MICAL2: variants seen among roughly 807,000 people sequenced by gnomAD.
The protein encoded by MICAL2 is microtubule associated monooxygenase, calponin and LIM domain containing 2.
In MICAL2, 77 loss-of-function variants were observed where a neutral mutation model predicts 127.3. The ratio of observed to expected loss-of-function variants is 0.60; its 90% CI spans 0.50 to 0.73. MICAL2 has a LOEUF of 0.73. MICAL2 is among the 30% of genes least tolerant of loss of function. The pLI, the probability that MICAL2 is intolerant of heterozygous loss-of-function variation, is 0.00. For missense variants in MICAL2, 1,351 were observed against 1,434.4 expected (o/e 0.94, Z 0.94); for synonymous variants, 570 against 551.1 (o/e 1.03, Z -0.48).
At chr11:12,282,700 G>T (rs1174523073) in intron 2 of MICAL2, among the ~76,000 whole-genome samples, 3 of 152,168 alleles carry the variant, frequency 2.0e-5, no homozygotes, top group Non-Finnish European at 4.4e-5. Context: ...AACATATATT[G>T]GTTTGCAGCA....
intron 3 of MICAL2, among the ~76,000 whole-genome samples, chr11:12,189,547 T>C (rs1026788875): frequency 6.6e-6 from 1 of 152,268 alleles, no homozygotes; most frequent in Admixed American, 6.5e-5. Flanking sequence ...CCTTTAATAG[T>C]TTTGCAGGGT....
chr11:12,309,363 C>T (rs1414865335), intron 29 of MICAL2, among the ~76,000 whole-genome samples: 1 of 121,780 alleles, frequency 8.2e-6, no homozygotes, highest in African/African-American at 2.5e-5. Context: ...TGGTAACCAC[C>T]ATTCTACTCT....
downstream of MICAL2, among the ~76,000 whole-genome samples, chr11:12,361,269 A>G (rs779257834): frequency 5.9e-5 from 9 of 152,070 alleles, no homozygotes; most frequent in Non-Finnish European, 8.8e-5. Flanking sequence ...GCTCTCCCAA[A>G]CCATTGATTT....
downstream of MICAL2, among the ~76,000 whole-genome samples, chr11:12,264,053 G>C (rs1863467936): frequency 6.6e-6 from 1 of 152,110 alleles, no homozygotes; most frequent in Non-Finnish European, 1.5e-5. Flanking sequence ...GGGCATAGTG[G>C]GTGAGGGTCA....
chr11:12,121,650 G>T (rs968441900), intron 1 of MICAL2: 1 of 152,276 alleles, frequency 6.6e-6, no homozygotes, highest in African/African-American at 2.4e-5. Flanking sequence ...GGTGGAGCAG[G>T]TAGGGGGTTG....
chr11:12,119,697 T>G (rs989750922), intron 1 of MICAL2, among the ~76,000 whole-genome samples: 2 of 152,140 alleles, frequency 1.3e-5, no homozygotes, highest in African/African-American at 2.4e-5. Flanking sequence ...CCCTTTGGAC[T>G]CAGGTGGGGC....
chr11:12,195,376 A>G (rs979267347), intron 3 of MICAL2, among the ~76,000 whole-genome samples: 18 of 152,242 alleles, frequency 1.2e-4, no homozygotes, highest in African/African-American at 3.9e-4. Flanking sequence ...GAAATGCACC[A>G]CAAAATAAGA....
intron 24 of MICAL2, among the ~76,000 whole-genome samples, chr11:12,271,001 GGC>G (rs1341027694): frequency 3.3e-5 from 5 of 152,212 alleles, no homozygotes; most frequent in Admixed American, 6.5e-5. Context: ...CTCTGGACCT[GGC>G]TGTTGGGAGC....
At chr11:12,258,174 G>A (rs1157977548) in intron 24 of MICAL2, among the ~76,000 whole-genome samples, 1 of 152,210 alleles carries the variant, frequency 6.6e-6, no homozygotes, top group Non-Finnish European at 1.5e-5. Flanking sequence ...CCCTCTCCGG[G>A]TGCGGGCATG....
chr11:12,317,448 A>G (rs1192923041), intron 29 of MICAL2, among the ~76,000 whole-genome samples: 1 of 152,222 alleles, frequency 6.6e-6, no homozygotes, highest in South Asian at 2.1e-4. Flanking sequence ...CAGTCATTCT[A>G]ACACAGCCAG....
chr11:12,189,298 T>G (rs1402500058), intron 3 of MICAL2, among the ~76,000 whole-genome samples: 2 of 152,122 alleles, frequency 1.3e-5, no homozygotes, highest in African/African-American at 4.8e-5. Flanking sequence ...TTGATGTTTT[T>G]TTTGTTTTGT....
intron 8 of MICAL2, among the ~76,000 whole-genome samples, chr11:12,218,291 T>C (rs1856425815): frequency 6.6e-6 from 1 of 152,204 alleles, no homozygotes; most frequent in Non-Finnish European, 1.5e-5. Flanking sequence ...GGCCCATACG[T>C]GTGTGGGCTG....
intron 32 of MICAL2, among the ~76,000 whole-genome samples, chr11:12,330,898 AGAGTGTGTGTGTGTGT>A (rs1161853773): frequency 2.3e-3 from 274 of 121,164 alleles, no homozygotes; most frequent in African/African-American, 8.7e-3. Flanking sequence ...AGAGAGAGAG[AGAGTGTGTGTGTGTGT>A]GTGTGTGTGT....
At chr11:12,146,304 G>T (rs1852897200) in intron 2 of MICAL2, among the ~76,000 whole-genome samples, 1 of 152,172 alleles carries the variant, frequency 6.6e-6, no homozygotes, top group African/African-American at 2.4e-5. Context: ...GAAAATTTTT[G>T]CAATCTACTC....
intron 1 of MICAL2, among the ~76,000 whole-genome samples, chr11:12,124,493 C>T (rs556826935): frequency 2.4e-4 from 37 of 152,340 alleles, no homozygotes; most frequent in Admixed American, 6.5e-4. Flanking sequence ...GTTCTCAGCT[C>T]CTCGAGGGCT....
intron 15 of MICAL2, among the ~76,000 whole-genome samples, chr11:12,233,924 C>G (rs11022257): frequency 0.29 from 43,568 of 152,064 alleles, 6,989 homozygotes; most frequent in East Asian, 0.52. Flanking sequence ...ACCTTTTTGT[C>G]TTAGCCTAGC....
At position 12,227,100 on chromosome 11, in the gene MICAL2, A is replaced by G. The variant is rs1205488677; in HGVS notation, c.1964A>G (p.Asn655Ser). The G allele has an allele frequency of 3.1e-6, 5 of 1,613,490 alleles. No individual in the cohort carries two copies. Among genetic ancestry groups the G allele is most frequent in the Non-Finnish European group, 4.2e-6 (5 of 1,179,828 alleles). Reference sequence around the variant, plus strand: ...TCATCCATTTCTAATAACTATCTCAACCTCACATTTCCAAGGAAGAGGACT... The same window carrying G: ...TCATCCATTTCTAATAACTATCTCAGCCTCACATTTCCAAGGAAGAGGACT... Reference protein sequence around the residue: ...AKSSISNNYLNLTFPRKRTPR... With the variant: ...AKSSISNNYLSLTFPRKRTPR... The change falls in exon 15 of 28, where the codon AAC becomes AGC. Residue 655 changes from asparagine to serine, a missense_variant. Asn to Ser is a conservative substitution (Grantham distance 46). Around this residue, in one of 2 missense-constraint regions of MICAL2, gnomAD observed 752 missense variants for 719.4 expected, o/e 1.05. Transcript: ENST00000683283.
chr11:12,208,694 T>C (rs1420415323), intron 5 of MICAL2, among the ~76,000 whole-genome samples: 1 of 152,250 alleles, frequency 6.6e-6, no homozygotes, highest in African/African-American at 2.4e-5. Context: ...AGCATGTTTG[T>C]TTAAATTCTT....
At position 12,340,672 on chromosome 11, in the gene MICAL2, A is replaced by G. The variant is rs1938848533; in HGVS notation, c.5516-9166A>G. Among the ~76,000 whole-genome samples the G allele has an allele frequency of 2.0e-5, 3 of 152,240 alleles. 1 individual carries two copies. In the South Asian group the frequency reaches 6.2e-4, roughly 31 times the overall value. ...CAGGAAAATGGATAATTTGTGGTATAGTCATACAACCGAATGTTATATATA... is the reference window on the plus strand; with the variant it reads ...CAGGAAAATGGATAATTTGTGGTATGGTCATACAACCGAATGTTATATATA... On this transcript the variant is annotated intron_variant, in intron 32 of 34. Transcript: ENST00000646065.
Sources: gnomAD v4.1 joint callset for allele counts (sites outside exome capture counted in the v4.1 genomes callset) on GRCh38, gnomAD v4.1.1 for gene constraint, gnomAD v4.1.1 regional missense constraint, MANE v1.5 for transcripts, NCBI Gene and HGNC (gene_info 2026-07-23, HGNC 2026-07-21) for gene names.